OR3A2: variants seen among roughly 807,000 people sequenced by gnomAD.
The protein encoded by OR3A2 is olfactory receptor 3A2.
For synonymous variants in OR3A2, 126 were observed against 159.3 expected, an observed-to-expected ratio of 0.79 and a Z score of 1.57; for missense variants, 318 against 392.8, an observed-to-expected ratio of 0.81 and a Z score of 1.61.
intron 3 of OR3A2, among the ~76,000 whole-genome samples, chr17:3,320,605 AG>A (rs931040425): frequency 6.1e-5 from 9 of 148,718 alleles, no homozygotes; most frequent in Admixed American, 1.4e-4. Context: ...ATGGCTAGCC[AG>A]TTTTCCCAGC....
At chr17:3,316,175 A>G (rs2049081440) in intron 3 of OR3A2, among the ~76,000 whole-genome samples, 1 of 152,216 alleles carries the variant, frequency 6.6e-6, no homozygotes, top group Admixed American at 6.5e-5. Flanking sequence ...CTTGGTTGGG[A>G]TGAATGTATG....
At chr17:3,332,728 C>T (rs1332551551) in intron 3 of OR3A2, among the ~76,000 whole-genome samples, 3 of 152,216 alleles carry the variant, frequency 2.0e-5, no homozygotes, top group South Asian at 2.1e-4. Flanking sequence ...CTCCTCCCCT[C>T]TTATGCCTGT....
At chr17:3,306,209 T>C (rs1231468620) in intron 3 of OR3A2, among the ~76,000 whole-genome samples, 1 of 152,182 alleles carries the variant, frequency 6.6e-6, no homozygotes, top group Admixed American at 6.5e-5. Context: ...CGAAATTCTA[T>C]GGCGCCATCA....
chr17:3,303,295 T>C lies in OR3A2; in HGVS notation c.-84-24142A>G, dbSNP rs1171394315. 2.6e-5 allele frequency among the ~76,000 whole-genome samples: 4 copies of C among 152,200 alleles called. No individual in the cohort carries two copies. The East Asian group carries it at 5.8e-4, about 22-fold the overall frequency. On this transcript the variant is annotated intron_variant, in intron 3 of 4. Coordinates refer to the OR3A2 transcript ENST00000573491. Reference sequence around the variant, plus strand: ...TTTCTTAAATAAGTTGAAAGAACTTTAGTTATCTAAAAAATAAGACAGCAA... The same window carrying C: ...TTTCTTAAATAAGTTGAAAGAACTTCAGTTATCTAAAAAATAAGACAGCAA...
intron 3 of OR3A2, among the ~76,000 whole-genome samples, chr17:3,308,653 T>C (rs1184112102): frequency 1.3e-5 from 2 of 152,092 alleles, no homozygotes; most frequent in Admixed American, 1.3e-4. Context: ...CGGTTCTGAT[T>C]TGGAGAGACT....
At chr17:3,361,426 C>A (rs1452912750) in intron 2 of OR3A2, among the ~76,000 whole-genome samples, 1 of 151,628 alleles carries the variant, frequency 6.6e-6, no homozygotes, top group Non-Finnish European at 1.5e-5. Flanking sequence ...TACCTGATTG[C>A]CCTGGCCAGA....
At chr17:3,319,286 G>A (rs1265497273) in intron 3 of OR3A2, among the ~76,000 whole-genome samples, 2 of 152,136 alleles carry the variant, frequency 1.3e-5, no homozygotes, top group African/African-American at 4.8e-5. Context: ...GGACTAGGCA[G>A]TAAATATTTT....
rs563339016 is a variant in OR3A2, at chr17:3,291,368, C to T, written c.-84-12215G>A. On this transcript the variant is annotated intron_variant, in intron 3 of 4. Coordinates refer to the OR3A2 transcript ENST00000573491. ...ATGAACCTGTCAGCACTCACAGCTT[C>T]CTAGGTTTCACCTCTAGCCAGAAAG... is the stretch of plus-strand genomic sequence containing the variant. 5.1e-5 allele frequency: 18 copies of T among 354,978 alleles called. No individual in the cohort carries two copies. In the South Asian group the frequency reaches 1.7e-3, roughly 33 times the overall value. The allele number at this position is 354,978 out of a possible 1,614,324, so 22.0% of individuals were successfully genotyped here.
At chr17:3,372,187 G>C (rs1350767542) in intron 2 of OR3A2, among the ~76,000 whole-genome samples, 15 of 150,814 alleles carry the variant, frequency 9.9e-5, no homozygotes, top group Non-Finnish European at 1.6e-4. Flanking sequence ...TCCCAGACGG[G>C]GCAGCGGGGC....
intron 2 of OR3A2, among the ~76,000 whole-genome samples, chr17:3,375,334 A>T (rs1597364783): frequency 8.2e-6 from 1 of 121,642 alleles, no homozygotes; most frequent in Non-Finnish European, 1.6e-5. Context: ...AGACAGTCTC[A>T]CTCAGTCACC....
intron 3 of OR3A2, among the ~76,000 whole-genome samples, chr17:3,319,744 A>G (rs995595947): frequency 5.9e-5 from 9 of 152,100 alleles, no homozygotes; most frequent in African/African-American, 2.2e-4. Context: ...CATGGTGTAT[A>G]TGTGCCACAT....
chr17:3,343,186 G>A (rs1441807546), intron 2 of OR3A2, among the ~76,000 whole-genome samples: 1 of 152,160 alleles, frequency 6.6e-6, no homozygotes, highest in South Asian at 2.1e-4. Flanking sequence ...TCTAGGAAAG[G>A]GAAATCCCCT....
intron 3 of OR3A2, among the ~76,000 whole-genome samples, chr17:3,304,123 G>A (rs1170969316): frequency 6.6e-6 from 1 of 151,860 alleles, no homozygotes; most frequent in Non-Finnish European, 1.5e-5. Flanking sequence ...CTCTTTGTAG[G>A]ACTCTACACA....
At chr17:3,315,761 G>C (rs1021959927) in intron 3 of OR3A2, among the ~76,000 whole-genome samples, 4 of 89,232 alleles carry the variant, frequency 4.5e-5, no homozygotes, top group Admixed American at 2.8e-4. Context: ...TGGGGGGGGG[G>C]GCGGTAGTAA....
At chr17:3,281,809 C>G (rs973466166) in intron 1 of OR3A2, among the ~76,000 whole-genome samples, 1 of 152,160 alleles carries the variant, frequency 6.6e-6, no homozygotes, top group Non-Finnish European at 1.5e-5. Flanking sequence ...AAATTAGATT[C>G]TTAGTCCCCA....
chr17:3,310,992 G>C, intron 3 of OR3A2: 1 of 552,518 alleles, frequency 1.8e-6, no homozygotes, highest in South Asian at 1.4e-5. Context: ...GGCAGCTGCA[G>C]TCCTGCGAAT....
intron 2 of OR3A2, among the ~76,000 whole-genome samples, chr17:3,373,637 T>C (rs2049653198): frequency 6.6e-6 from 1 of 152,236 alleles, no homozygotes; most frequent in Non-Finnish European, 1.5e-5. Flanking sequence ...GGTTTCCATT[T>C]GCATGGAATA....
Position 3,317,316 on chromosome 17 carries a change from T to C in OR3A2, c.-85+18717A>G, listed in dbSNP as rs141892531. 9.2e-5 allele frequency among the ~76,000 whole-genome samples: 14 copies of C among 152,318 alleles called. No individual in the cohort carries two copies. The East Asian group carries it at 2.7e-3, about 29-fold the overall frequency. ...ATTTAACCTCTCTTTTAGACTATGG[T>C]TGTAAAATCTTGGAGGGTAAAGATA... On this transcript the variant is annotated intron_variant, in intron 3 of 4. Transcript: ENST00000573491.
At chr17:3,371,869 A>G (rs1352948957) in intron 2 of OR3A2, among the ~76,000 whole-genome samples, 5 of 112,720 alleles carry the variant, frequency 4.4e-5, no homozygotes, top group South Asian at 3.3e-4. Flanking sequence ...GCTGGCCGGG[A>G]GGGGAGCTGA....
Sources: gnomAD v4.1 joint callset for allele counts (sites outside exome capture counted in the v4.1 genomes callset) on GRCh38, gnomAD v4.1.1 for gene constraint, MANE v1.5 for transcripts, NCBI Gene and HGNC (gene_info 2026-07-23, HGNC 2026-07-21) for gene names.